The following CLASP1 variants were observed in gnomAD, a reference collection of about 807,000 sequenced individuals.
The protein encoded by CLASP1 is CLIP-associating protein 1.
CLASP1 carries 38 observed loss-of-function variants against 192.3 expected under a neutral mutation model. That is an observed-to-expected ratio of 0.20 (90% confidence interval 0.15 to 0.26). The LOEUF (loss-of-function observed/expected upper bound fraction) is 0.26. CLASP1 is among the 10% of genes least tolerant of loss of function. The pLI is 1.00. For synonymous variants in CLASP1, 691 were observed against 712.8 expected (o/e 0.97, Z 0.49); for missense variants, 1,433 against 1,932.5 (o/e 0.74, Z 4.85).
intron 34 of CLASP1, among the ~76,000 whole-genome samples, chr2:121,370,842 C>T (rs1306133894): frequency 6.6e-6 from 1 of 152,148 alleles, no homozygotes; most frequent in African/African-American, 2.4e-5. Context: ...CCAAATTTCA[C>T]TTCTTTCAAC....
intron 3 of CLASP1, among the ~76,000 whole-genome samples, chr2:121,529,170 T>C (rs183799577): frequency 6.6e-6 from 1 of 152,206 alleles, no homozygotes; most frequent in African/African-American, 2.4e-5. Flanking sequence ...TGGGCACTTA[T>C]GAATAAATCT....
intron 1 of CLASP1, among the ~76,000 whole-genome samples, chr2:121,631,901 G>A (rs1379351238): frequency 6.6e-6 from 1 of 152,014 alleles, no homozygotes. Flanking sequence ...GCAAAAATTA[G>A]CTGGGCGTGG....
rs954358023 is a variant in CLASP1, at chr2:121,503,294, T to C, written c.645-60A>G. The C allele has an allele frequency of 6.9e-5, 67 of 977,252 alleles. No individual in the cohort carries two copies. In the East Asian group the frequency reaches 1.7e-3, roughly 25 times the overall value. The allele number at this position is 977,252 out of a possible 1,614,324, so 60.5% of individuals were successfully genotyped here. A position where few individuals can be genotyped will look rare whatever the true frequency, so the allele number is the denominator to read the frequency against. ...CATCACTGCTCATAGCCAATTATAT[T>C]AAAATGCTAATGTGAAGTTGATCCC... is the stretch of plus-strand genomic sequence containing the variant. On this transcript the variant is annotated intron_variant, in intron 7 of 39. Coordinates refer to ENST00000263710, the Ensembl canonical transcript of CLASP1.
intron 33 of CLASP1, among the ~76,000 whole-genome samples, chr2:121,379,797 C>A (rs2071206446): frequency 6.6e-6 from 1 of 152,162 alleles, no homozygotes; most frequent in Non-Finnish European, 1.5e-5. Context: ...TTATTCTTAA[C>A]CTGAACTTTC....
chr2:121,478,982 AC>A (rs755309756), intron 8 of CLASP1, among the ~76,000 whole-genome samples: 2,547 of 37,624 alleles, frequency 0.068, 81 homozygotes, highest in African/African-American at 0.13. Context: ...CCACACACAC[AC>A]CACACACCCC....
intron 8 of CLASP1, chr2:121,470,767 C>A: frequency 2.7e-6 from 1 of 365,206 alleles, no homozygotes. Flanking sequence ...TCAGAGAGGT[C>A]ATATAAATGT....
At chr2:121,500,372 GAAAGAAAGAA>G (rs1199647830) in intron 8 of CLASP1, among the ~76,000 whole-genome samples, 2 of 114,432 alleles carry the variant, frequency 1.7e-5, no homozygotes, top group African/African-American at 6.8e-5. Context: ...AAGAAAGAAA[GAAAGAAAGAA>G]AGAAAGAAAG....
intron 2 of CLASP1, among the ~76,000 whole-genome samples, chr2:121,558,991 A>G (rs2058830388): frequency 6.6e-6 from 1 of 152,244 alleles, no homozygotes; most frequent in African/African-American, 2.4e-5. Context: ...ACCTGTCAGC[A>G]GACCCCGGTT....
intron 8 of CLASP1, chr2:121,470,169 C>T: frequency 1.6e-6 from 1 of 638,598 alleles, no homozygotes; most frequent in South Asian, 1.5e-5. Context: ...TTTCACATAC[C>T]CAGAATACTT....
At chr2:121,511,367 T>C (rs2094130288) in intron 7 of CLASP1, among the ~76,000 whole-genome samples, 1 of 152,050 alleles carries the variant, frequency 6.6e-6, no homozygotes, top group Non-Finnish European at 1.5e-5. Context: ...GGCGGGTGGA[T>C]CACCTGAGGT....
intron 37 of CLASP1, among the ~76,000 whole-genome samples, chr2:121,349,884 G>T (rs943396113): frequency 1.2e-4 from 18 of 152,278 alleles, no homozygotes; most frequent in African/African-American, 4.1e-4. Context: ...TCGGCCTTGG[G>T]CTCAGGGAGC....
chr2:121,556,525 C>T (rs577835312), intron 2 of CLASP1, among the ~76,000 whole-genome samples: 1 of 152,284 alleles, frequency 6.6e-6, no homozygotes, highest in South Asian at 2.1e-4. Flanking sequence ...GCTCTGTATG[C>T]CTGCAATGCT....
chr2:121,618,608 C>G (rs559651507), intron 1 of CLASP1, among the ~76,000 whole-genome samples: 1 of 152,182 alleles, frequency 6.6e-6, no homozygotes, highest in South Asian at 2.1e-4. Context: ...TGTTTTAATA[C>G]TGAGAAAGTA....
chr2:121,564,086 T>A (rs2059315280), intron 2 of CLASP1, among the ~76,000 whole-genome samples: 1 of 152,156 alleles, frequency 6.6e-6, no homozygotes, highest in Non-Finnish European at 1.5e-5. Context: ...TTCAATCATC[T>A]CCCACTAGGT....
At chr2:121,374,450 TC>T (rs1180787480) in intron 34 of CLASP1, among the ~76,000 whole-genome samples, 1 of 152,104 alleles carries the variant, frequency 6.6e-6, no homozygotes, top group Non-Finnish European at 1.5e-5. Context: ...CCCCACAGAG[TC>T]CCCACTGGGG....
chr2:121,531,092 GGTGCA>G, intron 2 of CLASP1: 2 of 655,698 alleles, frequency 3.1e-6, no homozygotes, highest in Non-Finnish European at 5.6e-6. Context: ...ACCAGTAGAG[GGTGCA>G]CAAGACGCGT....
At chr2:121,618,924 C>A (rs1162242148) in intron 1 of CLASP1, among the ~76,000 whole-genome samples, 1 of 152,164 alleles carries the variant, frequency 6.6e-6, no homozygotes, top group African/African-American at 2.4e-5. Context: ...GAAATCTATA[C>A]AAGTCATCTC....
intron 31 of CLASP1, among the ~76,000 whole-genome samples, chr2:121,387,508 C>A (rs1382172939): frequency 6.6e-6 from 1 of 152,078 alleles, no homozygotes; most frequent in Non-Finnish European, 1.5e-5. Flanking sequence ...AAAAATAAGA[C>A]CAACTCAGTG....
At chr2:121,586,284 G>A (rs1156656841) in intron 2 of CLASP1, among the ~76,000 whole-genome samples, 1 of 151,896 alleles carries the variant, frequency 6.6e-6, no homozygotes, top group Non-Finnish European at 1.5e-5. Flanking sequence ...ACGCCACCAC[G>A]CCCAGCTAAT....
Sources: allele counts gnomAD v4.1 joint callset (sites outside exome capture counted in the v4.1 genomes callset), GRCh38; gene constraint gnomAD v4.1.1; transcripts MANE v1.5; gene names NCBI Gene and HGNC (gene_info 2026-07-23, HGNC 2026-07-21).